SLC22A23: variants seen among roughly 807,000 people sequenced by gnomAD.
The protein encoded by SLC22A23 is ion transporter protein.
In SLC22A23, 26 loss-of-function variants were observed where a neutral mutation model predicts 61.0. That is an observed-to-expected ratio of 0.43 (90% CI 0.31 to 0.59). The LOEUF (loss-of-function observed/expected upper bound fraction) is 0.59. Among genes scored for constraint, SLC22A23 ranks in the 20% least tolerant of loss-of-function variants. The pLI, the probability that SLC22A23 is intolerant of heterozygous loss-of-function variation, is 0.11. For missense variants in SLC22A23, 796 were observed against 934.7 expected (o/e 0.85, Z 1.94); for synonymous variants, 430 against 413.9 (o/e 1.04, Z -0.47).
chr6:3,444,767 G>T, intron 1 of SLC22A23: 1 of 982,490 alleles, frequency 1.0e-6, no homozygotes, highest in African/African-American at 1.7e-5. Context: ...GTGCTTTTTG[G>T]TGGGGCTCCT....
intron 3 of SLC22A23, among the ~76,000 whole-genome samples, chr6:3,353,678 T>C (rs1325995694): frequency 6.6e-6 from 1 of 152,176 alleles, no homozygotes; most frequent in East Asian, 1.9e-4. Context: ...CCTCGTCCCA[T>C]TACCGAAGCT....
In SLC22A23 at chr6:3,318,746, C is replaced by T. The variant is rs922329318; in HGVS notation, c.1082+5088G>A. On this transcript the variant is annotated intron_variant, in intron 4 of 9. Coordinates refer to ENST00000406686, the MANE Select transcript of SLC22A23 (RefSeq NM_015482.2). This position sits in a 1 kb window ranked among gnomAD's most constrained non-coding sequence, Gnocchi z 4.3. ...TGCGGCCTCAGTCAAGTCTCCTGGT[C>T]ACCTCATCCTGTCACCCACCACAGT... is the stretch of plus-strand genomic sequence containing the variant. 1.3e-5 allele frequency among the ~76,000 whole-genome samples: 2 copies of T among 152,194 alleles called. No homozygotes were observed. Among genetic ancestry groups the T allele is most frequent in the African/African-American group, 4.8e-5 (2 of 41,440 alleles).
intron 1 of SLC22A23, chr6:3,444,976 A>C (rs1326144888): frequency 2.0e-6 from 2 of 985,384 alleles, no homozygotes; most frequent in African/African-American, 3.5e-5. Flanking sequence ...CAAGGGGAGG[A>C]AGGAAGGCAC....
At position 3,456,206 on chromosome 6, in the gene SLC22A23, C is replaced by A; in HGVS notation, c.354G>T (p.Ser118=). ...LFIGFSQFSD[S]FLLDQPNFWC... is the part of the protein sequence containing the mutation. Reference sequence around the variant, plus strand: ...AGAAGTTGGGCTGGTCCAGGAGGAACGAGTCCGAGAACTGGCTGAAGCCGA... The same window carrying A: ...AGAAGTTGGGCTGGTCCAGGAGGAAAGAGTCCGAGAACTGGCTGAAGCCGA... The change falls in exon 1 of 10, where the codon TCG becomes TCT. Residue 118 remains serine (S), a synonymous_variant. Coordinates refer to ENST00000406686, the MANE Select transcript of SLC22A23 (RefSeq NM_015482.2). This position sits in a 1 kb window ranked among gnomAD's most constrained non-coding sequence, Gnocchi z 7.1. 1.9e-6 allele frequency: 3 copies of A among 1,551,300 alleles called. No homozygotes were observed. Among genetic ancestry groups the A allele is most frequent in the Non-Finnish European group, 2.6e-6 (3 of 1,146,838 alleles).
chr6:3,448,405 T>C (rs1434182580), intron 1 of SLC22A23, among the ~76,000 whole-genome samples: 1 of 151,856 alleles, frequency 6.6e-6, no homozygotes, highest in East Asian at 1.9e-4. Flanking sequence ...AGGCTCAGAG[T>C]CAATAGAAGC....
intron 1 of SLC22A23, among the ~76,000 whole-genome samples, chr6:3,422,777 T>A (rs1454753428): frequency 6.6e-6 from 1 of 152,174 alleles, no homozygotes; most frequent in Non-Finnish European, 1.5e-5. Context: ...TTGCTCCTCA[T>A]CTTTCCTTTT....
chr6:3,398,390 G>C (rs552643365), intron 3 of SLC22A23, among the ~76,000 whole-genome samples: 3 of 150,080 alleles, frequency 2.0e-5, no homozygotes, highest in Admixed American at 6.6e-5. Context: ...TAGAAAGGAC[G>C]CAAGCACCTC....
chr6:3,429,627 C>T (rs1474493137), intron 1 of SLC22A23, among the ~76,000 whole-genome samples: 1 of 152,192 alleles, frequency 6.6e-6, no homozygotes, highest in African/African-American at 2.4e-5. Flanking sequence ...GCCCTATTCA[C>T]AGTAGCCAAG....
At chr6:3,437,342 T>A (rs1349252679) in intron 1 of SLC22A23, among the ~76,000 whole-genome samples, 1 of 152,176 alleles carries the variant, frequency 6.6e-6, no homozygotes, top group Non-Finnish European at 1.5e-5. Flanking sequence ...TTGTTTCTTA[T>A]GGGACTTCCC....
At chr6:3,292,331 C>T (rs1017244339) in intron 5 of SLC22A23, among the ~76,000 whole-genome samples, 1 of 152,194 alleles carries the variant, frequency 6.6e-6, no homozygotes, top group Non-Finnish European at 1.5e-5. Flanking sequence ...GTAGCTGAAT[C>T]CAAGAGGCCT....
intron 2 of SLC22A23, among the ~76,000 whole-genome samples, chr6:3,411,243 T>C (rs913191745): frequency 3.9e-5 from 6 of 152,082 alleles, no homozygotes; most frequent in African/African-American, 1.2e-4. Context: ...TCAAACACGA[T>C]TGGCTTGGTC....
At chr6:3,279,301 A>G (rs894689382) in intron 9 of SLC22A23, among the ~76,000 whole-genome samples, 1 of 151,764 alleles carries the variant, frequency 6.6e-6, no homozygotes, top group Admixed American at 6.6e-5. Flanking sequence ...TCACGAGGTC[A>G]GGAGATCGAG....
At chr6:3,282,684 C>T (rs942758601) in intron 9 of SLC22A23, among the ~76,000 whole-genome samples, 56 of 152,190 alleles carry the variant, frequency 3.7e-4, no homozygotes, top group African/African-American at 1.3e-3. Context: ...TATGAAGGCA[C>T]GTGCATGAGA....
intron 3 of SLC22A23, among the ~76,000 whole-genome samples, chr6:3,337,745 C>T (rs1284887867): frequency 2.0e-5 from 3 of 152,148 alleles, no homozygotes; most frequent in East Asian, 3.8e-4. Context: ...TGGTGATCCA[C>T]GAGGACTCCC....
At chr6:3,452,789 G>C (rs990070655) in intron 1 of SLC22A23, among the ~76,000 whole-genome samples, 5 of 152,034 alleles carry the variant, frequency 3.3e-5, no homozygotes, top group African/African-American at 9.7e-5. Context: ...GCAAATTCTG[G>C]TACCAATAAC....
chr6:3,382,026 A>G (rs983258155), intron 3 of SLC22A23, among the ~76,000 whole-genome samples: 1 of 152,200 alleles, frequency 6.6e-6, no homozygotes, highest in Non-Finnish European at 1.5e-5. Flanking sequence ...CCACTTTAAC[A>G]TAAGGGGAAT....
intron 3 of SLC22A23, among the ~76,000 whole-genome samples, chr6:3,352,255 A>G (rs1268471751): frequency 7.0e-6 from 1 of 142,212 alleles, no homozygotes; most frequent in Non-Finnish European, 1.5e-5. Flanking sequence ...ACTCACAAAC[A>G]TACACACACA....
At position 3,317,143 on chromosome 6, in the gene SLC22A23, C is replaced by T. The variant is rs116783395; in HGVS notation, c.1082+6691G>A. 1.5e-3 allele frequency among the ~76,000 whole-genome samples: 236 copies of T among 152,268 alleles called. No individual in the cohort carries two copies. The highest frequency in any genetic ancestry group is 5.0e-3 in the African/African-American group (208 of 41,542). Reference sequence around the variant, plus strand: ...GTCATTCCTCAATAGTGAATTCCCGCGCAGGAAACTTGATGTCACCCTGTC... The same window carrying T: ...GTCATTCCTCAATAGTGAATTCCCGTGCAGGAAACTTGATGTCACCCTGTC... On this transcript the variant is annotated intron_variant, in intron 4 of 9. Transcript: ENST00000406686. The surrounding 1 kb of genome is among the most constrained non-coding windows in gnomAD (Gnocchi z 4.4).
intron 3 of SLC22A23, among the ~76,000 whole-genome samples, chr6:3,384,169 G>A (rs1347726786): frequency 6.6e-6 from 1 of 152,212 alleles, no homozygotes; most frequent in East Asian, 1.9e-4. Context: ...TTGACTTTTA[G>A]TACATTGAAT....
Sources: allele counts gnomAD v4.1 joint callset (sites outside exome capture counted in the v4.1 genomes callset), GRCh38; gene constraint gnomAD v4.1.1; non-coding constraint Gnocchi (gnomAD v3.1); transcripts MANE v1.5; gene names NCBI Gene and HGNC (gene_info 2026-07-23, HGNC 2026-07-21).